Variants in RAB13 observed in about 807,000 individuals in gnomAD.
The protein encoded by RAB13 is RAB13, member RAS oncogene family.
A neutral mutation model predicts 29.3 loss-of-function variants in RAB13; 15 were observed. The ratio of observed to expected loss-of-function variants is 0.51; its 90% CI spans 0.34 to 0.79. The LOEUF (loss-of-function observed/expected upper bound fraction) is 0.79, where lower values mean the gene tolerates loss of function less well. Among genes scored for constraint, RAB13 ranks in the 30% least tolerant of loss-of-function variants. RAB13 has a pLI of 0.01. For synonymous variants in RAB13, 82 were observed against 93.8 expected, an observed-to-expected ratio of 0.87 and a Z score of 0.73; for missense variants, 186 against 255.5, an observed-to-expected ratio of 0.73 and a Z score of 1.85.
Position 153,984,894 on chromosome 1 carries a change from G to A in RAB13, c.125-113C>T, listed in dbSNP as rs185858922. ...TGGCACCAGAAATTCTGCAGGGGAG[G>A]CACTTGGGGAACAATCTTGTTGGAA... is the stretch of plus-strand genomic sequence containing the variant. On this transcript the variant is annotated intron_variant, in intron 1 of 7. Coordinates refer to ENST00000368575, the MANE Select transcript of RAB13 (RefSeq NM_002870.5). 7.6e-5 allele frequency: 107 copies of A among 1,405,136 alleles called. 1 individual carries two copies. Among genetic ancestry groups the A allele is most frequent in the Admixed American group, 6.2e-4 (19 of 30,842 alleles). 87.0% of individuals were successfully genotyped at this position (1,405,136 alleles called of 1,614,324 possible). A position where few individuals can be genotyped will look rare whatever the true frequency, so the allele number is the denominator to read the frequency against.
At chr1:153,987,823 G>T (rs1649227294), upstream of RAB13, among the ~76,000 whole-genome samples, 1 of 149,890 alleles carries the variant, frequency 6.7e-6, no homozygotes, top group Non-Finnish European at 1.5e-5. Context: ...TGGTGGTGTG[G>T]CCTGTAGTCC....
intron 2 of RAB13, among the ~76,000 whole-genome samples, 155 bp downstream of exon 2, chr1:153,984,566 C>A (rs915091090): frequency 6.6e-6 from 1 of 152,132 alleles, no homozygotes; most frequent in Non-Finnish European, 1.5e-5. Context: ...GATGGAAGGA[C>A]AGCTGAGTGC....
At chr1:153,983,633 C>G (rs535490466) in intron 2 of RAB13, 52 bp from the exon 3 acceptor site, 2 of 1,450,870 alleles carry the variant, frequency 1.4e-6, no homozygotes, top group African/African-American at 2.8e-5. Context: ...AATTCTCCAA[C>G]GGAATAATTC....
At chr1:153,987,774 CAAAAAAAAAA>C (rs60689643), upstream of RAB13, among the ~76,000 whole-genome samples, 7 of 54,320 alleles carry the variant, frequency 1.3e-4, no homozygotes, top group Admixed American at 6.3e-4. Context: ...ACTGCTTCGA[CAAAAAAAAAA>C]AAAAAAAAAA....
chr1:153,987,965 ATTT>A (rs1290706408), upstream of RAB13, among the ~76,000 whole-genome samples: 2 of 149,190 alleles, frequency 1.3e-5, no homozygotes, highest in Admixed American at 6.6e-5. Context: ...TTTCAAAAAA[ATTT>A]TTTATTTATT....
chr1:153,984,263 C>A (rs1214916920), intron 2 of RAB13, among the ~76,000 whole-genome samples: 2 of 151,394 alleles, frequency 1.3e-5, no homozygotes, highest in Non-Finnish European at 2.9e-5. Flanking sequence ...ACTAAAAGAA[C>A]CAGATTTGCG....
At position 153,983,554 on chromosome 1, in the gene RAB13, C is replaced by T. The variant is rs756535536; in HGVS notation, c.213G>A (p.Lys71=). 1 of 1,612,086 alleles carries T rather than the reference C, an allele frequency of 6.2e-7. No homozygotes were observed. Among genetic ancestry groups the T allele is most frequent in the Non-Finnish European group, 8.5e-7 (1 of 1,178,304 alleles). Residue 71 remains lysine, a synonymous_variant, in exon 3 of 8, where the codon AAG becomes AAA. Coordinates refer to ENST00000368575, the MANE Select transcript of RAB13 (RefSeq NM_002870.5). ...VWDTAGQERF[K]TITTAYYRGA... The stretch of plus-strand genomic sequence containing the variant: ...CACGGTAGTAGGCAGTAGTTATTGT[C>T]TTGAACCGCTCTTGGCCAGCCGTGT...
chr1:153,987,515 C>CAAAA (rs775480072), upstream of RAB13, among the ~76,000 whole-genome samples: 3 of 96,992 alleles, frequency 3.1e-5, no homozygotes, highest in African/African-American at 7.4e-5. Flanking sequence ...GACTCCGTCT[C>CAAAA]AAAAAAAAAA....
upstream of RAB13, among the ~76,000 whole-genome samples, chr1:153,987,420 G>T (rs1024912034): frequency 1.3e-5 from 2 of 151,438 alleles, no homozygotes; most frequent in African/African-American, 4.9e-5. Context: ...GGAGGCTGAG[G>T]CAGGAGAATG....
upstream of RAB13, among the ~76,000 whole-genome samples, chr1:153,988,294 A>ATTT (rs552724489): frequency 1.3e-4 from 14 of 107,548 alleles, no homozygotes; most frequent in African/African-American, 3.3e-4. Context: ...GCCTGGCCCT[A>ATTT]TTTTTTTTTT....
chr1:153,990,367 A>G (rs1209930984), upstream of RAB13, among the ~76,000 whole-genome samples: 1 of 152,210 alleles, frequency 6.6e-6, no homozygotes, highest in Non-Finnish European at 1.5e-5. Flanking sequence ...CGCCCGGCCT[A>G]AACTGTTAAA....
At chr1:153,989,498 C>G (rs1197429724), upstream of RAB13, among the ~76,000 whole-genome samples, 1 of 151,672 alleles carries the variant, frequency 6.6e-6, no homozygotes, top group Non-Finnish European at 1.5e-5. Context: ...ATCCACCCGC[C>G]TCGGCCTCCC....
intron 4 of RAB13, 92 bp downstream of exon 4, chr1:153,983,125 CAA>C (rs370008084): frequency 2.6e-4 from 235 of 914,648 alleles, no homozygotes; most frequent in Middle Eastern, 4.6e-4. Context: ...AACTTCATCT[CAA>C]AAAAAAAAAA....
intron 2 of RAB13, among the ~76,000 whole-genome samples, chr1:153,983,807 A>G (rs1649071603): frequency 6.6e-6 from 1 of 152,214 alleles, no homozygotes; most frequent in Non-Finnish European, 1.5e-5. Flanking sequence ...GCTATGTGTC[A>G]AGCACTGTGT....
upstream of RAB13, among the ~76,000 whole-genome samples, chr1:153,987,380 G>A (rs1649201630): frequency 6.6e-6 from 1 of 152,002 alleles, no homozygotes; most frequent in Non-Finnish European, 1.5e-5. Flanking sequence ...GCCGGGCGTG[G>A]TGGCAGGCGA....
At chr1:153,989,920 A>T (rs1014978039), upstream of RAB13, among the ~76,000 whole-genome samples, 11 of 152,022 alleles carry the variant, frequency 7.2e-5, no homozygotes, top group South Asian at 2.1e-4. Context: ...AAAATAAAAA[A>T]AAAGAAGGCA....
intron 1 of RAB13, 32 bp downstream of exon 1, chr1:153,986,081 G>C: frequency 6.2e-7 from 1 of 1,612,360 alleles, no homozygotes; most frequent in Non-Finnish European, 8.5e-7. Flanking sequence ...TCACAGGAGA[G>C]TCGGGGTCTG....
chr1:153,983,444 C>A (rs1329847680), intron 3 of RAB13, 77 bp downstream of exon 3: 1 of 1,527,692 alleles, frequency 6.5e-7, no homozygotes, highest in Non-Finnish European at 9.1e-7. Flanking sequence ...TTACCTGCCC[C>A]AACCCCTGAC....
At chr1:153,982,875 CCAG>C in intron 4 of RAB13, 67 bp from the exon 5 acceptor site, 1 of 1,531,260 alleles carries the variant, frequency 6.5e-7, no homozygotes, top group Non-Finnish European at 9.0e-7. Flanking sequence ...GCCTGTAATC[CCAG>C]CACTTTGGGA....
Sources: gnomAD v4.1 joint callset for allele counts (sites outside exome capture counted in the v4.1 genomes callset) on GRCh38, gnomAD v4.1.1 for gene constraint, MANE v1.5 for transcripts, NCBI Gene and HGNC (gene_info 2026-07-23, HGNC 2026-07-21) for gene names.